PLCB4: variants seen among roughly 807,000 people sequenced by gnomAD.
PLCB4 encodes the protein 1-phosphatidylinositol 4,5-bisphosphate phosphodiesterase beta-4.
A neutral mutation model predicts 178.8 loss-of-function variants in PLCB4; 77 were observed. That is an observed-to-expected ratio of 0.43 (90% confidence interval 0.36 to 0.52). The LOEUF (loss-of-function observed/expected upper bound fraction) is 0.52, where lower values mean the gene tolerates loss of function less well. Among genes scored for constraint, PLCB4 ranks in the 20% least tolerant of loss-of-function variants. The probability of loss-of-function intolerance (pLI) is 0.00; values close to 1 mark genes in which losing one functional copy is unlikely to be tolerated. For synonymous variants in PLCB4, 496 were observed against 490.8 expected (o/e 1.01, Z -0.14); for missense variants, 1,024 against 1,453.4 (o/e 0.70, Z 4.80).
chr20:9,358,925 C>T (rs1293808217), intron 7 of PLCB4, among the ~76,000 whole-genome samples: 2 of 151,918 alleles, frequency 1.3e-5, no homozygotes, highest in African/African-American at 2.4e-5. Context: ...AAGGAAATAC[C>T]GAAAGCAAAA....
intron 2 of PLCB4, among the ~76,000 whole-genome samples, chr20:9,200,385 C>T (rs1040376791): frequency 1.3e-5 from 2 of 152,164 alleles, no homozygotes; most frequent in African/African-American, 2.4e-5. Flanking sequence ...CCTTTGACCA[C>T]GCCACTGTCA....
At position 9,246,007 on chromosome 20, in the gene PLCB4, A is replaced by G. The variant is rs75888743; in HGVS notation, c.-16+28555A>G. ...CCCGAGAAAACTGATACAGGTGTGG[A>G]TACAGGGAGGGATAAAGAATTGAAG... On this transcript the variant is annotated intron_variant, in intron 3 of 39. Coordinates refer to ENST00000378473, the MANE Select transcript of PLCB4 (RefSeq NM_001377142.1). 5.2e-3 allele frequency among the ~76,000 whole-genome samples: 791 copies of G among 152,238 alleles called. 5 individuals are homozygous for G. The highest frequency in any genetic ancestry group is 0.02 in the Middle Eastern group (6 of 294).
At position 9,361,906 on chromosome 20, in the gene PLCB4, A is replaced by C. The variant is rs141889689; in HGVS notation, c.370-990A>C. Among the ~76,000 whole-genome samples the C allele has an allele frequency of 4.5e-3, 683 of 152,302 alleles. 3 individuals are homozygous for C. The highest frequency in any genetic ancestry group is 7.6e-3 in the Non-Finnish European group (519 of 68,022). ...GTGATTAGTGCAAATGAGACACTGA[A>C]CTTTATATTTATTAAATTTAAATAG... On this transcript the variant is annotated intron_variant, in intron 7 of 39. Transcript: ENST00000378473.
chr20:9,146,790 T>C (rs1241023957), intron 2 of PLCB4, among the ~76,000 whole-genome samples: 2 of 152,058 alleles, frequency 1.3e-5, no homozygotes, highest in African/African-American at 4.8e-5. Flanking sequence ...TTAAAAGCAA[T>C]TATAATAAGA....
At chr20:9,120,765 A>G (rs1157924880) in intron 2 of PLCB4, among the ~76,000 whole-genome samples, 1 of 151,424 alleles carries the variant, frequency 6.6e-6, no homozygotes, top group Non-Finnish European at 1.5e-5. Flanking sequence ...TAATGTCAAA[A>G]TTCCTTAACT....
At chr20:9,121,173 G>A (rs920137196) in intron 2 of PLCB4, among the ~76,000 whole-genome samples, 12 of 152,140 alleles carry the variant, frequency 7.9e-5, no homozygotes, top group African/African-American at 2.9e-4. Context: ...ACCCACTTTT[G>A]TGGCCACCAC....
chr20:9,088,374 G>T (rs1293686583), intron 1 of PLCB4, among the ~76,000 whole-genome samples: 1 of 152,028 alleles, frequency 6.6e-6, no homozygotes, highest in Non-Finnish European at 1.5e-5. Context: ...ATCACCTTTG[G>T]CATTGAAACA....
chr20:9,250,432 A>T (rs2094168245), intron 3 of PLCB4, among the ~76,000 whole-genome samples: 1 of 152,326 alleles, frequency 6.6e-6, no homozygotes, highest in East Asian at 1.9e-4. Context: ...TTCCCCTAAG[A>T]TGTTCAGAAA....
intron 4 of PLCB4, among the ~76,000 whole-genome samples, chr20:9,310,810 TAA>T (rs1365502411): frequency 2.0e-5 from 3 of 152,304 alleles, no homozygotes; most frequent in African/African-American, 4.8e-5. Context: ...AAATAGTCAA[TAA>T]ATGTAGTAAG....
chr20:9,118,394 C>T lies in PLCB4; in HGVS notation c.-79+22052C>T, dbSNP rs534879025. ...TAAACAAAGAATTTAATAAAAGAGA[C>T]GGAAATAAAAATAACTTTAAAAAGT... On this transcript the variant is annotated intron_variant, in intron 2 of 39. Coordinates refer to ENST00000378473, the MANE Select transcript of PLCB4 (RefSeq NM_001377142.1). Among the ~76,000 whole-genome samples, 23 of 145,848 alleles carry T rather than the reference C, an allele frequency of 1.6e-4. No homozygotes were observed. The East Asian group carries it at 2.2e-3, about 14-fold the overall frequency.
chr20:9,393,718 A>C, intron 18 of PLCB4, 40 bp downstream of exon 18: 1 of 1,202,550 alleles, frequency 8.3e-7, no homozygotes, highest in Non-Finnish European at 1.2e-6. Flanking sequence ...AGCATACATA[A>C]CATGTGTGGA....
At position 9,476,751 on chromosome 20, in the gene PLCB4, A is replaced by T. The variant is rs1426531430; in HGVS notation, c.3530A>T (p.Gln1177Leu). The T allele has an allele frequency of 3.7e-6, 6 of 1,607,002 alleles. No individual in the cohort carries two copies. Among genetic ancestry groups the T allele is most frequent in the Non-Finnish European group, 4.3e-6 (5 of 1,173,812 alleles). Residue 1177 changes from glutamine to leucine, a missense_variant and splice_region_variant, in exon 39 of 40, where the codon CAA (glutamine) becomes CTA (leucine). Coordinates refer to ENST00000378473, the MANE Select transcript of PLCB4 (RefSeq NM_001377142.1). Reference protein sequence around the residue: ...LKSCHAVSQTQGEGDAADGEI... With the variant: ...LKSCHAVSQTLGEGDAADGEI... ...TCCTGTCATGCAGTGTCCCAAACGC[A>T]AGGTAGGACCGAAACTCTGATAAGC...
intron 2 of PLCB4, among the ~76,000 whole-genome samples, chr20:9,142,986 TAC>T (rs1214020030): frequency 6.6e-6 from 1 of 152,178 alleles, no homozygotes; most frequent in Non-Finnish European, 1.5e-5. Flanking sequence ...TGCTTTTCCT[TAC>T]ACACACTGGG....
chr20:9,468,784 C>G, intron 36 of PLCB4, 112 bp downstream of exon 36: 1 of 606,698 alleles, frequency 1.6e-6, no homozygotes, highest in Non-Finnish European at 3.0e-6. Flanking sequence ...ACACTTGTGG[C>G]TTTTGACTAG....
intron 32 of PLCB4, among the ~76,000 whole-genome samples, chr20:9,452,955 G>A (rs1361951387): frequency 6.6e-6 from 1 of 152,228 alleles, no homozygotes; most frequent in Non-Finnish European, 1.5e-5. Flanking sequence ...GGCTGAACTT[G>A]CATGTTTGAG....
chr20:9,319,506 C>T (rs928417298), intron 4 of PLCB4, among the ~76,000 whole-genome samples: 4 of 152,064 alleles, frequency 2.6e-5, no homozygotes, highest in Admixed American at 6.6e-5. Context: ...AATCTTATAT[C>T]GTCTGTCTAT....
At chr20:9,408,941 CT>C (rs777633098) in intron 23 of PLCB4, 115 bp from the exon 24 acceptor site, 18 of 896,456 alleles carry the variant, frequency 2.0e-5, no homozygotes, top group Admixed American at 1.0e-4. Context: ...GAAATCTGCT[CT>C]GTGCTGTCTA....
intron 3 of PLCB4, among the ~76,000 whole-genome samples, chr20:9,242,020 C>T (rs566816173): frequency 2.3e-4 from 35 of 152,166 alleles, no homozygotes; most frequent in Non-Finnish European, 4.7e-4. Context: ...GGCATCTGAA[C>T]AAGGTTCCAA....
chr20:9,163,816 A>G (rs2092927411), intron 2 of PLCB4, among the ~76,000 whole-genome samples: 1 of 152,112 alleles, frequency 6.6e-6, no homozygotes, highest in South Asian at 2.1e-4. Context: ...CCTCCATTTC[A>G]TATTTAAATA....
Sources: gnomAD v4.1 joint callset for allele counts (sites outside exome capture counted in the v4.1 genomes callset) on GRCh38, gnomAD v4.1.1 for gene constraint, MANE v1.5 for transcripts, NCBI Gene and HGNC (gene_info 2026-07-23, HGNC 2026-07-21) for gene names.